ASAP2: variants seen among roughly 807,000 people sequenced by gnomAD.
ASAP2 encodes ArfGAP with SH3 domain, ankyrin repeat and PH domain 2, also known as arf-GAP with SH3 domain, ANK repeat and PH domain-containing protein 2.
A neutral mutation model predicts 131.4 loss-of-function variants in ASAP2; 45 were observed. That is an observed-to-expected ratio of 0.34 (90% CI 0.27 to 0.44). The LOEUF (loss-of-function observed/expected upper bound fraction) is 0.44, where lower values mean the gene tolerates loss of function less well. ASAP2 is among the 20% of genes least tolerant of loss of function. The pLI, the probability that ASAP2 is intolerant of heterozygous loss-of-function variation, is 1.00. For synonymous variants in ASAP2, 510 were observed against 503.0 expected (o/e 1.01, Z -0.19); for missense variants, 1,011 against 1,297.0 (o/e 0.78, Z 3.39).
At position 9,217,934 on chromosome 2, in the gene ASAP2, A is replaced by G. The variant is rs1402758071; in HGVS notation, c.126+10704A>G. The stretch of plus-strand genomic sequence containing the variant: ...TGGCTTTTTTTTTTTTTTACATGAA[A>G]AAATAATGATGACAATGCTTTAATT... On this transcript the variant is annotated intron_variant, in intron 1 of 27. Transcript: ENST00000281419. This position sits in a 1 kb window ranked among gnomAD's most constrained non-coding sequence, Gnocchi z 4.0. Among the ~76,000 whole-genome samples the G allele has an allele frequency of 2.0e-5, 3 of 151,988 alleles. No individual in the cohort carries two copies. Among genetic ancestry groups the G allele is most frequent in the Non-Finnish European group, 4.4e-5 (3 of 67,990 alleles).
chr2:9,381,462 A>G (rs1034159208), intron 20 of ASAP2, among the ~76,000 whole-genome samples: 7 of 152,276 alleles, frequency 4.6e-5, no homozygotes, highest in African/African-American at 1.7e-4. Context: ...GGCCAGGCAC[A>G]GTGACTCACG....
intron 24 of ASAP2, among the ~76,000 whole-genome samples, chr2:9,398,670 G>A (rs1434572362): frequency 1.3e-5 from 2 of 152,098 alleles, no homozygotes; most frequent in Admixed American, 6.5e-5. Context: ...TTTGCTGTGC[G>A]TGGTGGTGCA....
intron 1 of ASAP2, among the ~76,000 whole-genome samples, chr2:9,253,389 C>G (rs1227453209): frequency 6.6e-6 from 1 of 151,324 alleles, no homozygotes; most frequent in African/African-American, 2.4e-5. Flanking sequence ...GTCTCCAACT[C>G]CTGACCTCAG....
chr2:9,361,074 C>T (rs2148664677), intron 15 of ASAP2, among the ~76,000 whole-genome samples: 1 of 152,288 alleles, frequency 6.6e-6, no homozygotes, highest in Admixed American at 6.5e-5. Context: ...TTAAATTCTC[C>T]ATTTCTGTCT....
chr2:9,365,974 T>C (rs1025654291), intron 15 of ASAP2, among the ~76,000 whole-genome samples: 1 of 152,120 alleles, frequency 6.6e-6, no homozygotes, highest in African/African-American at 2.4e-5. Context: ...TCTGCCTCAG[T>C]GCAGCCCACA....
chr2:9,322,352 T>C (rs1488917216), intron 5 of ASAP2, among the ~76,000 whole-genome samples: 1 of 152,226 alleles, frequency 6.6e-6, no homozygotes, highest in East Asian at 1.9e-4. Flanking sequence ...AAGAACATGC[T>C]ACTTGGGTCT....
intron 1 of ASAP2, among the ~76,000 whole-genome samples, chr2:9,223,389 A>G (rs1046957878): frequency 6.6e-6 from 1 of 152,192 alleles, no homozygotes; most frequent in African/African-American, 2.4e-5. Context: ...GGATCCTTCA[A>G]GCATCTGTAT....
At chr2:9,243,983 GTA>G (rs1558261095) in intron 1 of ASAP2, among the ~76,000 whole-genome samples, 1 of 152,144 alleles carries the variant, frequency 6.6e-6, no homozygotes, top group Non-Finnish European at 1.5e-5. Flanking sequence ...AACATGATAT[GTA>G]TATAAACTCA....
At chr2:9,372,877 G>T (rs903444098) in intron 16 of ASAP2, among the ~76,000 whole-genome samples, 2 of 152,160 alleles carry the variant, frequency 1.3e-5, no homozygotes, top group African/African-American at 4.8e-5. Context: ...GCTTTGGGAT[G>T]TGGGGGAAAC....
In ASAP2 at chr2:9,379,144, A is replaced by G. The variant is rs79825515; in HGVS notation, c.1948+85A>G. ...TGCCATCCAAGCGCTGCTCTTGGAA[A>G]CAGGGCCAACCCTGTGGGCTCTTGT... On this transcript the variant is annotated intron_variant, in intron 19 of 27. Coordinates refer to ENST00000281419, the MANE Select transcript of ASAP2 (RefSeq NM_003887.3). The G allele has an allele frequency of 5.5e-3, 5,153 of 933,988 alleles. 185 individuals carry two copies. In the African/African-American group the frequency reaches 0.078, roughly 14 times the overall value. The allele number at this position is 933,988 out of a possible 1,614,324, so 57.9% of individuals were successfully genotyped here.
chr2:9,331,143 T>A (rs1670812268), intron 7 of ASAP2, among the ~76,000 whole-genome samples: 2 of 152,224 alleles, frequency 1.3e-5, no homozygotes, highest in Admixed American at 6.5e-5. Context: ...TGCTGTGCCC[T>A]GCTGGGTACA....
intron 18 of ASAP2, among the ~76,000 whole-genome samples, chr2:9,378,091 C>T (rs1171655868): frequency 1.3e-5 from 2 of 152,152 alleles, no homozygotes; most frequent in African/African-American, 2.4e-5. Context: ...ACACACCCCC[C>T]GCTCCCCATG....
chr2:9,284,689 T>C (rs888474061), intron 2 of ASAP2, among the ~76,000 whole-genome samples: 11 of 152,216 alleles, frequency 7.2e-5, no homozygotes, highest in African/African-American at 2.2e-4. Context: ...CTCCTGTGTG[T>C]TCCTTGCAGT....
intron 3 of ASAP2, among the ~76,000 whole-genome samples, chr2:9,318,122 C>A (rs925122833): frequency 6.6e-6 from 1 of 152,182 alleles, no homozygotes; most frequent in African/African-American, 2.4e-5. Flanking sequence ...GGGCCCAGAG[C>A]ACCAACCCCA....
intron 11 of ASAP2, among the ~76,000 whole-genome samples, chr2:9,347,381 G>C (rs968491399): frequency 6.6e-6 from 1 of 152,136 alleles, no homozygotes; most frequent in Non-Finnish European, 1.5e-5. Context: ...TTGATTTCTT[G>C]TGCAGCTCAC....
At chr2:9,210,647 C>G (rs1661468108) in intron 1 of ASAP2, among the ~76,000 whole-genome samples, 1 of 151,936 alleles carries the variant, frequency 6.6e-6, no homozygotes, top group Non-Finnish European at 1.5e-5. Flanking sequence ...CCCCGCCTCC[C>G]AGGTTCATGC....
intron 3 of ASAP2, among the ~76,000 whole-genome samples, chr2:9,306,662 G>A (rs1668964949): frequency 6.6e-6 from 1 of 151,976 alleles, no homozygotes; most frequent in African/African-American, 2.4e-5. Flanking sequence ...AGCCCAGCCA[G>A]GAGTCAAGCC....
At chr2:9,285,268 T>A (rs11692729) in intron 2 of ASAP2, among the ~76,000 whole-genome samples, 52,951 of 152,042 alleles carry the variant, frequency 0.35, 9,524 homozygotes, top group African/African-American at 0.41. Context: ...CAGGTCAGGG[T>A]TGGAGCCTGA....
In ASAP2 at chr2:9,266,073, C is replaced by T. The variant is rs566157101; in HGVS notation, c.127-13244C>T. The stretch of plus-strand genomic sequence containing the variant: ...GTGTTGGGATTACAGGTGTGAGCCA[C>T]CACACCCAGCCCATAAGCTTGTAAT... On this transcript the variant is annotated intron_variant, in intron 1 of 27. Transcript: ENST00000281419. 2.4e-3 allele frequency among the ~76,000 whole-genome samples: 368 copies of T among 152,198 alleles called. 1 individual carries two copies. The highest frequency in any genetic ancestry group is 8.3e-3 in the African/African-American group (345 of 41,542).
Sources: gnomAD v4.1 joint callset for allele counts (sites outside exome capture counted in the v4.1 genomes callset) on GRCh38, gnomAD v4.1.1 for gene constraint, Gnocchi (gnomAD v3.1) non-coding constraint, MANE v1.5 for transcripts, NCBI Gene and HGNC (gene_info 2026-07-23, HGNC 2026-07-21) for gene names.